MPRIP: variants seen among roughly 807,000 people sequenced by gnomAD.
MPRIP encodes the protein myosin phosphatase Rho interacting protein, also known as myosin phosphatase Rho-interacting protein.
Under a neutral mutation model 234.9 loss-of-function variants are expected in MPRIP, and 59 were observed. The ratio of observed to expected loss-of-function variants is 0.25; its 90% confidence interval spans 0.20 to 0.31. The LOEUF (loss-of-function observed/expected upper bound fraction) is 0.31, where lower values mean the gene tolerates loss of function less well. MPRIP is among the 10% of genes least tolerant of loss of function. MPRIP has a pLI of 1.00. For synonymous variants in MPRIP, 1,144 were observed against 1,263.9 expected (o/e 0.91, Z 2.01); for missense variants, 2,436 against 3,071.0 (o/e 0.79, Z 4.89).
intron 5 of MPRIP, among the ~76,000 whole-genome samples, chr17:17,132,117 A>G (rs1429522119): frequency 6.6e-6 from 1 of 152,182 alleles, no homozygotes; most frequent in African/African-American, 2.4e-5. Flanking sequence ...ATGGCCCATA[A>G]GGAGCTCACA....
At chr17:17,124,655 C>T (rs1017802617) in intron 3 of MPRIP, among the ~76,000 whole-genome samples, 7 of 152,220 alleles carry the variant, frequency 4.6e-5, no homozygotes, top group Admixed American at 2.6e-4. Context: ...CCAGTCCTCA[C>T]TGTGGTCCAT....
Position 17,175,350 on chromosome 17 carries a change from G to A in MPRIP, c.6808G>A (p.Asp2270Asn), listed in dbSNP as rs373441115. The change falls in exon 20 of 24, where the codon GAC (aspartate) becomes AAC (asparagine). Residue 2270 changes from aspartate to asparagine, a missense_variant. Transcript: ENST00000651222. ...ACGGTTGCGGACGCTGCTGACTGGG[G>A]ACGGCGGTGGGGAGGCCACTGGGTC... The part of the protein sequence containing the change: ...ITRLRTLLTG[D>N]GGGEATGSPL... 2.0e-5 allele frequency: 32 copies of A among 1,613,544 alleles called. No individual in the cohort carries two copies. Among genetic ancestry groups the A allele is most frequent in the Non-Finnish European group, 2.7e-5 (32 of 1,180,014 alleles).
At chr17:17,098,244 A>G (rs2144196951) in intron 3 of MPRIP, among the ~76,000 whole-genome samples, 1 of 152,204 alleles carries the variant, frequency 6.6e-6, no homozygotes, top group East Asian at 1.9e-4. Flanking sequence ...CTTTCCCCAG[A>G]ACCTGCGCCT....
chr17:17,175,167 A>G (rs2046227746), intron 19 of MPRIP, 126 bp from the exon 20 acceptor site: 1 of 1,402,396 alleles, frequency 7.1e-7, no homozygotes, highest in Admixed American at 1.7e-5. Context: ...AGGGTTATCG[A>G]TTGGATCCTG....
At chr17:17,125,618 G>A (rs1178505101) in intron 3 of MPRIP, among the ~76,000 whole-genome samples, 1 of 152,218 alleles carries the variant, frequency 6.6e-6, no homozygotes, top group African/African-American at 2.4e-5. Flanking sequence ...AGAAGGTCGG[G>A]GTGTGGAGAG....
rs573679208 is a variant in MPRIP at position 17,117,758 on chromosome 17, C to T, written c.268-8944C>T. ...ACTTGTTGGGTCATATGGAAACTGT[C>T]TGTAATTTTTTGAGGAACTGCTAAA... On this transcript the variant is annotated intron_variant, in intron 3 of 23. Transcript: ENST00000651222. Among the ~76,000 whole-genome samples, 20 of 152,298 alleles carry T rather than the reference C, an allele frequency of 1.3e-4. No individual in the cohort carries two copies. In the South Asian group the frequency reaches 2.3e-3, roughly 17 times the overall value.
chr17:17,104,726 C>T (rs2090030693), intron 3 of MPRIP, among the ~76,000 whole-genome samples: 1 of 152,214 alleles, frequency 6.6e-6, no homozygotes, highest in Non-Finnish European at 1.5e-5. Flanking sequence ...GCTGTGCCAG[C>T]TAGCTTGCTG....
intron 1 of MPRIP, among the ~76,000 whole-genome samples, chr17:17,051,286 A>T (rs915960373): frequency 3.3e-5 from 5 of 152,182 alleles, no homozygotes; most frequent in African/African-American, 1.2e-4. Flanking sequence ...TGAAAGAGGG[A>T]GAGAGTGTGG....
At chr17:17,101,946 A>G (rs1362358218) in intron 3 of MPRIP, among the ~76,000 whole-genome samples, 2 of 152,196 alleles carry the variant, frequency 1.3e-5, no homozygotes, top group Non-Finnish European at 2.9e-5. Context: ...CTTGGCTCAA[A>G]TGTCACCCGC....
chr17:17,106,880 G>C (rs2090073138), intron 3 of MPRIP, among the ~76,000 whole-genome samples: 2 of 152,172 alleles, frequency 1.3e-5, no homozygotes, highest in African/African-American at 4.8e-5. Flanking sequence ...AAGCAGATTG[G>C]GAATTCCCAG....
chr17:17,048,316 G>C (rs1374352735), intron 1 of MPRIP, among the ~76,000 whole-genome samples: 4 of 152,114 alleles, frequency 2.6e-5, no homozygotes, highest in African/African-American at 9.7e-5. Context: ...GCCTCAGGTG[G>C]GAATTTCAGA....
chr17:17,046,731 T>C (rs2088365065), intron 1 of MPRIP, among the ~76,000 whole-genome samples: 1 of 152,226 alleles, frequency 6.6e-6, no homozygotes, highest in Admixed American at 6.5e-5. Flanking sequence ...CTGCAAACTT[T>C]TTTGGTAAAA....
At position 17,164,342 on chromosome 17, in the gene MPRIP, G is replaced by A; in HGVS notation, c.2751G>A (p.Glu917=). The A allele has an allele frequency of 7.7e-7, 1 of 1,302,024 alleles. No individual in the cohort carries two copies. Among genetic ancestry groups the A allele is most frequent in the South Asian group, 1.2e-5 (1 of 81,014 alleles). The allele number at this position is 1,302,024 out of a possible 1,614,324, so 80.7% of individuals were successfully genotyped here. ...CGGCCGCTGAGCTAGCCATCAAGGA[G>A]CAGGCGCTGGCCAAGCTCAAGGGCG... ...SNAAAELAIK[E]QALAKLKGDL... Residue 917 remains glutamate (E), a synonymous_variant, in exon 16 of 24, where the codon GAG becomes GAA. Transcript: ENST00000651222.
At chr17:17,073,189 G>A (rs190388644) in intron 1 of MPRIP, among the ~76,000 whole-genome samples, 1 of 152,170 alleles carries the variant, frequency 6.6e-6, no homozygotes, top group African/African-American at 2.4e-5. Flanking sequence ...CTGCATCCCA[G>A]CCTGCTCCTC....
intron 1 of MPRIP, among the ~76,000 whole-genome samples, chr17:17,061,445 G>C (rs2088864780): frequency 6.6e-6 from 1 of 152,226 alleles, no homozygotes; most frequent in South Asian, 2.1e-4. Context: ...AAAGAAAAGG[G>C]CAAGAATCAA....
intron 1 of MPRIP, among the ~76,000 whole-genome samples, chr17:17,048,348 C>T (rs867698953): frequency 1.2e-4 from 18 of 152,106 alleles, no homozygotes; most frequent in African/African-American, 3.4e-4. Context: ...TGGGCCAGGA[C>T]GAGGTCTCAG....
intron 1 of MPRIP, among the ~76,000 whole-genome samples, chr17:17,060,732 G>A (rs1196874763): frequency 6.6e-6 from 1 of 152,190 alleles, no homozygotes; most frequent in African/African-American, 2.4e-5. Context: ...TTCCTCCCGG[G>A]ACAGGGCTCT....
chr17:17,180,693 G>T, intron 23 of MPRIP: 1 of 1,598,326 alleles, frequency 6.3e-7, no homozygotes, highest in Non-Finnish European at 8.6e-7. Flanking sequence ...CCCACCGCCT[G>T]CATGCACTGC....
intron 3 of MPRIP, among the ~76,000 whole-genome samples, chr17:17,119,740 A>C (rs1299652760): frequency 6.6e-6 from 1 of 152,242 alleles, no homozygotes; most frequent in African/African-American, 2.4e-5. Flanking sequence ...CAGATGAGCA[A>C]GGCGACCGCT....
Sources: allele counts gnomAD v4.1 joint callset (sites outside exome capture counted in the v4.1 genomes callset), GRCh38; gene constraint gnomAD v4.1.1; transcripts MANE v1.5; gene names NCBI Gene and HGNC (gene_info 2026-07-23, HGNC 2026-07-21).